The following ETFA variants were observed in gnomAD, a reference collection of about 807,000 sequenced individuals.
The protein encoded by ETFA is electron transfer flavoprotein subunit alpha, also known as electron transfer flavoprotein subunit alpha, mitochondrial.
ETFA carries 22 observed loss-of-function variants against 46.2 expected under a neutral mutation model. The ratio of observed to expected loss-of-function variants is 0.48; its 90% CI spans 0.34 to 0.68. The LOEUF is 0.68. Ranked by LOEUF, ETFA falls within the 30% of genes least tolerant of loss-of-function variation. The pLI, the probability that ETFA is intolerant of heterozygous loss-of-function variation, is 0.01. For missense variants in ETFA, 345 were observed against 401.1 expected, an observed-to-expected ratio of 0.86 and a Z score of 1.19; for synonymous variants, 131 against 139.9, an observed-to-expected ratio of 0.94 and a Z score of 0.45.
chr15:76,255,035 GATA>G (rs1427898258), intron 9 of ETFA, among the ~76,000 whole-genome samples: 1 of 151,792 alleles, frequency 6.6e-6, no homozygotes, highest in Non-Finnish European at 1.5e-5. Flanking sequence ...ATTCTATTTT[GATA>G]ATATTTATAC....
At chr15:76,237,263 G>A (rs1480534187) in intron 9 of ETFA, among the ~76,000 whole-genome samples, 1 of 152,188 alleles carries the variant, frequency 6.6e-6, no homozygotes, top group African/African-American at 2.4e-5. Context: ...ATGTTGGCCA[G>A]GCTGGTCTCG....
intron 2 of ETFA, among the ~76,000 whole-genome samples, chr15:76,294,401 C>T (rs985803103): frequency 1.3e-5 from 2 of 152,162 alleles, no homozygotes; most frequent in Admixed American, 1.3e-4. Flanking sequence ...TAAGATCCTA[C>T]AGTTGTTAGC....
intron 9 of ETFA, among the ~76,000 whole-genome samples, chr15:76,243,848 A>C (rs1462327961): frequency 6.6e-6 from 1 of 152,048 alleles, no homozygotes; most frequent in Non-Finnish European, 1.5e-5. Context: ...TTTTTCTTAA[A>C]ATCCAAAACC....
rs569530236 is a variant in ETFA at position 76,235,776 on chromosome 15, G to A, written c.817-4378C>T. Among the ~76,000 whole-genome samples, 3 of 152,290 alleles carry A rather than the reference G, an allele frequency of 2.0e-5. No individual in the cohort carries two copies. In the South Asian group the frequency reaches 6.2e-4, roughly 32 times the overall value. On this transcript the variant is annotated intron_variant, in intron 9 of 11. Coordinates refer to ENST00000557943, the MANE Select transcript of ETFA (RefSeq NM_000126.4). ...CCCTCACTTTCCTACCTGCCACTGAGAAGTGGAAAAGCCGTTAGGAGCAGA... is the reference window on the plus strand; with the variant it reads ...CCCTCACTTTCCTACCTGCCACTGAAAAGTGGAAAAGCCGTTAGGAGCAGA...
chr15:76,247,013 T>C (rs2141478661), intron 9 of ETFA, among the ~76,000 whole-genome samples: 1 of 152,268 alleles, frequency 6.6e-6, no homozygotes, highest in Admixed American at 6.5e-5. Flanking sequence ...ATAACAAAAA[T>C]TATGAAACTG....
At chr15:76,269,194 T>C (rs992179986) in intron 9 of ETFA, among the ~76,000 whole-genome samples, 12 of 152,164 alleles carry the variant, frequency 7.9e-5, no homozygotes, top group East Asian at 1.9e-4. Context: ...CAAGCAATGA[T>C]AGCTGTGGCG....
chr15:76,259,173 C>T, intron 9 of ETFA: 1 of 1,515,020 alleles, frequency 6.6e-7, no homozygotes, highest in Non-Finnish European at 9.2e-7. Context: ...CCCAGATCCA[C>T]TGTAGGGCTG....
At chr15:76,249,140 T>TC (rs2039271237) in intron 9 of ETFA, among the ~76,000 whole-genome samples, 1 of 151,340 alleles carries the variant, frequency 6.6e-6, no homozygotes, top group Non-Finnish European at 1.5e-5. Flanking sequence ...TTTTTTTTTT[T>TC]TTTTTGAGAC....
At chr15:76,302,631 G>C (rs1302741607) in intron 1 of ETFA, among the ~76,000 whole-genome samples, 3 of 152,126 alleles carry the variant, frequency 2.0e-5, no homozygotes, top group African/African-American at 7.2e-5. Context: ...CAAACCCATA[G>C]AAGGTACAAC....
intron 1 of ETFA, among the ~76,000 whole-genome samples, chr15:76,295,948 T>G (rs1444575964): frequency 1.1e-5 from 1 of 88,176 alleles, no homozygotes; most frequent in Non-Finnish European, 2.5e-5. Flanking sequence ...TTTTTTTTTT[T>G]TTTTTTTTTT....
chr15:76,308,992 T>C (rs1038873853), intron 1 of ETFA, among the ~76,000 whole-genome samples: 20 of 152,226 alleles, frequency 1.3e-4, no homozygotes, highest in Non-Finnish European at 2.9e-4. Context: ...GAGATTTCTT[T>C]GTACTATTCT....
intron 2 of ETFA, 77 bp downstream of exon 2, chr15:76,295,514 A>G: frequency 7.8e-7 from 1 of 1,285,850 alleles, no homozygotes; most frequent in Non-Finnish European, 1.1e-6. Context: ...AATCCTAAGC[A>G]TAATTCTCTG....
At chr15:76,255,911 G>GT (rs970896766) in intron 9 of ETFA, among the ~76,000 whole-genome samples, 676 of 144,534 alleles carry the variant, frequency 4.7e-3, no homozygotes, top group Non-Finnish European at 6.3e-3. Context: ...GTTTTTTGTT[G>GT]TTTTTTTTTT....
chr15:76,285,097 TAGTC>T (rs1391316002), intron 7 of ETFA, among the ~76,000 whole-genome samples: 1 of 152,300 alleles, frequency 6.6e-6, no homozygotes, highest in Non-Finnish European at 1.5e-5. Flanking sequence ...TTCAAAAAGT[TAGTC>T]AGTGGGCCAT....
At chr15:76,264,914 T>C (rs904927012) in intron 9 of ETFA, among the ~76,000 whole-genome samples, 2 of 152,168 alleles carry the variant, frequency 1.3e-5, no homozygotes, top group African/African-American at 4.8e-5. Context: ...TGTATGTCCC[T>C]GGTGTAAGAA....
chr15:76,234,574 G>T (rs187659707), intron 9 of ETFA, among the ~76,000 whole-genome samples: 4 of 152,110 alleles, frequency 2.6e-5, no homozygotes, highest in African/African-American at 7.2e-5. Flanking sequence ...GGTGGGGGAC[G>T]GTGGGGATTA....
chr15:76,309,222 G>T (rs917129390), intron 1 of ETFA, among the ~76,000 whole-genome samples: 2 of 152,174 alleles, frequency 1.3e-5, no homozygotes, highest in Non-Finnish European at 1.5e-5. Flanking sequence ...GGCCAAGGCG[G>T]GCGGATCATG....
Position 76,311,438 on chromosome 15 carries a change from C to G in ETFA, c.-50G>C, listed in dbSNP as rs775965722. The G allele has an allele frequency of 4.5e-5, 70 of 1,543,056 alleles. No individual in the cohort carries two copies. In the South Asian group the frequency reaches 7.7e-4, roughly 17 times the overall value. ...GGCCTTACAGCAGCCCCGTGCCCGG[C>G]CAACTGGCGCCGCCTCAGCCAGTCA... is the stretch of plus-strand genomic sequence containing the variant. On this transcript the variant is annotated 5_prime_UTR_variant, in exon 1 of 12. Coordinates refer to ENST00000557943, the MANE Select transcript of ETFA (RefSeq NM_000126.4).
chr15:76,311,029 G>A (rs1164966482), intron 1 of ETFA, among the ~76,000 whole-genome samples: 1 of 152,218 alleles, frequency 6.6e-6, no homozygotes, highest in Admixed American at 6.5e-5. Flanking sequence ...GGACCTGGCG[G>A]CCCGAAAGTG....
Sources: allele counts gnomAD v4.1 joint callset (sites outside exome capture counted in the v4.1 genomes callset), GRCh38; gene constraint gnomAD v4.1.1; transcripts MANE v1.5; gene names NCBI Gene and HGNC (gene_info 2026-07-23, HGNC 2026-07-21).